Variants in TATDN3 observed in about 807,000 individuals in gnomAD.
The protein encoded by TATDN3 is deoxyribonuclease TATDN3.
In TATDN3, 29 loss-of-function variants were observed where a neutral mutation model predicts 40.1. That is an observed-to-expected ratio of 0.72 (90% confidence interval 0.54 to 0.99). TATDN3 has a LOEUF of 0.99. TATDN3 is among the 50% of genes least tolerant of loss of function. The pLI is 0.00. For missense variants in TATDN3, 309 were observed against 321.9 expected (o/e 0.96, Z 0.31); for synonymous variants, 105 against 117.0 (o/e 0.90, Z 0.66).
At chr1:212,806,745 TCC>T (rs1411021684) in intron 7 of TATDN3, among the ~76,000 whole-genome samples, 1 of 71,636 alleles carries the variant, frequency 1.4e-5, no homozygotes, top group African/African-American at 6.7e-5. Flanking sequence ...TCTCTCTCTC[TCC>T]ATATATATAT....
At chr1:212,794,943 G>C in intron 1 of TATDN3, 152 bp from the exon 2 acceptor site, 1 of 658,980 alleles carries the variant, frequency 1.5e-6, no homozygotes, top group Non-Finnish European at 2.8e-6. Flanking sequence ...GAGTAAACAG[G>C]AAGTGGGTCA....
In TATDN3 at chr1:212,812,308, G is replaced by A. The variant is rs1363555376; in HGVS notation, c.661G>A (p.Ala221Thr). 2 of 1,557,788 alleles carry A rather than the reference G, an allele frequency of 1.3e-6. No individual in the cohort carries two copies. The highest frequency in any genetic ancestry group is 1.4e-5 in the African/African-American group (1 of 71,960). Reference sequence around the variant, plus strand: ...TATATGCTTAGAAACAGATTCACCTGCACTAGGACCAGAAAAACAGGTAAA... The same window carrying A: ...TATATGCTTAGAAACAGATTCACCTACACTAGGACCAGAAAAACAGGTAAA... ...TSICLETDSPALGPEKQVRNE... is the reference protein window; with the variant it reads ...TSICLETDSPTLGPEKQVRNE... The change falls in exon 9 of 10, where the codon GCA (alanine) becomes ACA (threonine). Residue 221 changes from alanine to threonine, a missense_variant. By Grantham distance (58) the Ala-to-Thr change is moderately conservative. Coordinates refer to ENST00000366974, the MANE Select transcript of TATDN3 (RefSeq NM_001042552.3).
intron 3 of TATDN3, chr1:212,796,856 C>T: frequency 2.1e-6 from 1 of 470,598 alleles, no homozygotes; most frequent in African/African-American, 2.0e-5. Flanking sequence ...TCTGCCTCAG[C>T]CTCCCAAGTA....
At chr1:212,811,707 A>AT (rs1459756298) in intron 8 of TATDN3, among the ~76,000 whole-genome samples, 3 of 149,624 alleles carry the variant, frequency 2.0e-5, no homozygotes, top group Non-Finnish European at 3.0e-5. Flanking sequence ...TATTATTATT[A>AT]TTATTTTTTT....
chr1:212,802,103 C>T (rs1414749236), intron 4 of TATDN3, among the ~76,000 whole-genome samples: 1 of 152,182 alleles, frequency 6.6e-6, no homozygotes, highest in Non-Finnish European at 1.5e-5. Flanking sequence ...GGCAAATTCT[C>T]CTCAGTGGAA....
chr1:212,807,597 T>C, intron 7 of TATDN3, 139 bp from the exon 8 acceptor site: 1 of 572,790 alleles, frequency 1.7e-6, no homozygotes, highest in Non-Finnish European at 3.0e-6. Flanking sequence ...CACCGTACAT[T>C]TATCCGCCCT....
intron 4 of TATDN3, among the ~76,000 whole-genome samples, chr1:212,798,336 T>G (rs543161389): frequency 6.7e-6 from 1 of 149,776 alleles, no homozygotes; most frequent in African/African-American, 2.5e-5. Context: ...AAAAAAAAAA[T>G]AATAATAATA....
At chr1:212,798,554 A>C (rs571433946) in intron 4 of TATDN3, among the ~76,000 whole-genome samples, 2 of 149,062 alleles carry the variant, frequency 1.3e-5, no homozygotes, top group African/African-American at 5.0e-5. Context: ...AAAAAAAAAA[A>C]AAAAGAAAAG....
Position 212,794,875 on chromosome 1 carries a change from G to A in TATDN3, c.67-220G>A, listed in dbSNP as rs567089045. 1.2e-4 allele frequency: 78 copies of A among 651,784 alleles called. No individual in the cohort carries two copies. The African/African-American group carries it at 1.3e-3, about 10-fold the overall frequency. 40.4% of individuals were successfully genotyped at this position (651,784 alleles called of 1,614,324 possible). On this transcript the variant is annotated intron_variant, in intron 1 of 9. Transcript: ENST00000366974. Reference sequence around the variant, plus strand: ...GGACAGAGAAATACCCTGTATATTTGACAATAGAGGCTTCTGTTTTAGTGC... The same window carrying A: ...GGACAGAGAAATACCCTGTATATTTAACAATAGAGGCTTCTGTTTTAGTGC...
chr1:212,803,844 T>C (rs1662305362), intron 5 of TATDN3, among the ~76,000 whole-genome samples: 1 of 152,090 alleles, frequency 6.6e-6, no homozygotes, highest in Admixed American at 6.6e-5. Flanking sequence ...GAGACCAGCC[T>C]GACCAACATG....
intron 4 of TATDN3, 94 bp from the exon 5 acceptor site, chr1:212,802,607 G>A: frequency 1.2e-6 from 1 of 819,708 alleles, no homozygotes; most frequent in East Asian, 2.5e-5. Flanking sequence ...TGTATGTAAA[G>A]CACCAGGATG....
chr1:212,795,193 C>T (rs988133907), intron 2 of TATDN3, 66 bp downstream of exon 2: 1 of 1,252,222 alleles, frequency 8.0e-7, no homozygotes, highest in Non-Finnish European at 1.2e-6. Flanking sequence ...GCCAAAACAG[C>T]TTGAAATTTA....
chr1:212,806,757 T>TCC (rs1356069194), intron 7 of TATDN3, among the ~76,000 whole-genome samples: 2 of 100,658 alleles, frequency 2.0e-5, no homozygotes, highest in East Asian at 3.3e-4. Flanking sequence ...CATATATATA[T>TCC]ATATATATAT....
chr1:212,796,617 G>T, intron 3 of TATDN3, 27 bp downstream of exon 3: 2 of 1,489,358 alleles, frequency 1.3e-6, no homozygotes, highest in African/African-American at 1.4e-5. Context: ...AGATTTTAAA[G>T]GGTTGCTAAT....
intron 1 of TATDN3, among the ~76,000 whole-genome samples, chr1:212,792,492 G>A (rs1467455738): frequency 1.5e-5 from 2 of 130,260 alleles, no homozygotes; most frequent in African/African-American, 5.4e-5. Context: ...AAAAAAAGCC[G>A]GTGATTGTGG....
In TATDN3 at chr1:212,807,793, G is replaced by A. The variant is rs547308130; in HGVS notation, c.545G>A (p.Gly182Glu). ...GGTCGGCCATCTGTAGCCATGGAAG[G>A]AGTAAGAGCTGGGTACTTCTTCTCA... ...FDGRPSVAMEGVRAGYFFSIP... is the reference protein window; with the variant it reads ...FDGRPSVAMEEVRAGYFFSIP... Residue 182 changes from glycine to glutamate, a missense_variant, in exon 8 of 10, where the codon GGA becomes GAA. By Grantham distance (98) the Gly-to-Glu change is moderately conservative. Transcript: ENST00000366974. 11 of 1,613,912 alleles carry A rather than the reference G, an allele frequency of 6.8e-6. No individual in the cohort carries two copies. Among genetic ancestry groups the A allele is most frequent in the East Asian group, 2.2e-5 (1 of 44,864 alleles).
intron 4 of TATDN3, among the ~76,000 whole-genome samples, chr1:212,802,020 A>G (rs1218833261): frequency 6.6e-6 from 1 of 152,194 alleles, no homozygotes; most frequent in East Asian, 1.9e-4. Context: ...AAAATTTGCA[A>G]TGTAGTCTAA....
intron 9 of TATDN3, among the ~76,000 whole-genome samples, chr1:212,814,810 G>A (rs1272790448): frequency 6.6e-6 from 1 of 152,020 alleles, no homozygotes. Context: ...AATACCCCAG[G>A]GTTCTTTTCA....
intron 7 of TATDN3, among the ~76,000 whole-genome samples, chr1:212,806,044 A>T (rs922261804): frequency 9.2e-5 from 14 of 152,044 alleles, no homozygotes; most frequent in African/African-American, 3.1e-4. Flanking sequence ...ATTTGAAAAA[A>T]CTCTGTCAAA....
Sources: allele counts gnomAD v4.1 joint callset (sites outside exome capture counted in the v4.1 genomes callset), GRCh38; gene constraint gnomAD v4.1.1; transcripts MANE v1.5; gene names NCBI Gene and HGNC (gene_info 2026-07-23, HGNC 2026-07-21).